Variants in CAMTA1 observed in about 807,000 individuals in gnomAD.
The protein encoded by CAMTA1 is calmodulin binding transcription activator 1, also known as calmodulin-binding transcription activator 1.
CAMTA1 carries 27 observed loss-of-function variants against 170.9 expected under a neutral mutation model. The observed-to-expected ratio is 0.16, with a 90% CI of 0.12 to 0.22. The LOEUF (loss-of-function observed/expected upper bound fraction) is 0.22, where lower values mean the gene tolerates loss of function less well. Ranked by LOEUF, CAMTA1 falls within the 10% of genes least tolerant of loss-of-function variation. The probability of loss-of-function intolerance (pLI) is 1.00; values close to 1 mark genes in which losing one functional copy is unlikely to be tolerated. For missense variants in CAMTA1, 1,619 were observed against 2,217.2 expected (o/e 0.73, Z 5.42); for synonymous variants, 833 against 891.5 (o/e 0.93, Z 1.17).
chr1:7,227,352 G>A (rs1661894231), intron 4 of CAMTA1, among the ~76,000 whole-genome samples: 1 of 152,160 alleles, frequency 6.6e-6, no homozygotes, highest in African/African-American at 2.4e-5. Flanking sequence ...GTGAGATGGA[G>A]TTTTTGCTCT....
chr1:7,095,492 C>T (rs1003775153), intron 4 of CAMTA1, among the ~76,000 whole-genome samples: 18 of 152,194 alleles, frequency 1.2e-4, no homozygotes, highest in African/African-American at 4.1e-4. Flanking sequence ...AGGTACGTGC[C>T]CTCCTGGGAC....
intron 3 of CAMTA1, among the ~76,000 whole-genome samples, chr1:7,020,538 A>C (rs1275332683): frequency 6.6e-6 from 1 of 152,224 alleles, no homozygotes; most frequent in Non-Finnish European, 1.5e-5. Context: ...TGTCCTTGTC[A>C]TTATGGGACG....
chr1:7,479,828 G>A (rs1350680543), intron 6 of CAMTA1, among the ~76,000 whole-genome samples: 3 of 152,208 alleles, frequency 2.0e-5, no homozygotes, highest in Non-Finnish European at 4.4e-5. Flanking sequence ...GGCAGCCACC[G>A]AACCCACATA....
chr1:7,355,064 G>T (rs1265038120), intron 5 of CAMTA1, among the ~76,000 whole-genome samples: 2 of 151,996 alleles, frequency 1.3e-5, no homozygotes, highest in Admixed American at 1.3e-4. Context: ...AAATTATCCA[G>T]GCATGGTGGT....
chr1:7,581,639 C>T (rs949225961), intron 6 of CAMTA1, among the ~76,000 whole-genome samples: 4 of 152,218 alleles, frequency 2.6e-5, no homozygotes, highest in East Asian at 1.9e-4. Flanking sequence ...GTGGGCCTTG[C>T]GGTCCTTGAG....
intron 3 of CAMTA1, among the ~76,000 whole-genome samples, chr1:6,882,732 T>G (rs529080435): frequency 6.6e-6 from 1 of 151,966 alleles, no homozygotes; most frequent in African/African-American, 2.4e-5. Context: ...TTTCAGCATA[T>G]AGGGGGTTCT....
intron 4 of CAMTA1, among the ~76,000 whole-genome samples, chr1:7,107,053 G>A (rs72640094): frequency 0.033 from 4,978 of 152,066 alleles, 110 homozygotes; most frequent in Non-Finnish European, 0.046. Context: ...AGGGGGCCTC[G>A]AAATGCAATT....
At position 7,336,694 on chromosome 1, in the gene CAMTA1, C is replaced by T. The variant is rs2083400983; in HGVS notation, c.438+87068C>T. 1.3e-5 allele frequency among the ~76,000 whole-genome samples: 2 copies of T among 152,192 alleles called. 1 individual carries two copies. Among genetic ancestry groups the T allele is most frequent in the South Asian group, 4.1e-4 (2 of 4,824 alleles). On this transcript the variant is annotated intron_variant, in intron 5 of 22. Transcript: ENST00000303635. ...AGAGCCTAGCCCAGCAAGGCCAGGGCGAGGAACCTGGCAGGAGGCCTTGAC... is the reference window on the plus strand; with the variant it reads ...AGAGCCTAGCCCAGCAAGGCCAGGGTGAGGAACCTGGCAGGAGGCCTTGAC...
intron 4 of CAMTA1, among the ~76,000 whole-genome samples, chr1:7,190,268 C>T (rs1193255067): frequency 6.6e-6 from 1 of 151,922 alleles, no homozygotes; most frequent in Admixed American, 6.6e-5. Context: ...CCTGTTCCCC[C>T]AAAACCTATG....
intron 3 of CAMTA1, among the ~76,000 whole-genome samples, chr1:7,055,227 G>T (rs1412406059): frequency 2.6e-5 from 4 of 152,230 alleles, no homozygotes; most frequent in African/African-American, 9.7e-5. Context: ...AGCTTGTTCA[G>T]TTGTTAGGAG....
Position 7,312,750 on chromosome 1 carries a change from G to T in CAMTA1, c.438+63124G>T, listed in dbSNP as rs140826754. ...CAAAAGGGCCTTCTTTTCTTTGATG[G>T]CTTTATTTATTTATTTTTTCCACTT... On this transcript the variant is annotated intron_variant, in intron 5 of 22. Transcript: ENST00000303635. Among the ~76,000 whole-genome samples the T allele has an allele frequency of 2.6e-5, 4 of 152,180 alleles. No individual in the cohort carries two copies. The East Asian group carries it at 7.7e-4, about 29-fold the overall frequency.
At chr1:6,786,724 C>T (rs1433599373) in intron 1 of CAMTA1, among the ~76,000 whole-genome samples, 1 of 152,100 alleles carries the variant, frequency 6.6e-6, no homozygotes. Context: ...GTTCACCGTG[C>T]TCCTTTCGCC....
intron 3 of CAMTA1, among the ~76,000 whole-genome samples, chr1:6,999,657 A>G (rs931366108): frequency 3.3e-5 from 5 of 152,096 alleles, no homozygotes; most frequent in East Asian, 3.9e-4. Flanking sequence ...TGCTAGGATT[A>G]TACCGTACCC....
chr1:7,746,162 T>C lies in CAMTA1; in HGVS notation c.4617+71T>C, dbSNP rs1316746143. On this transcript the variant is annotated intron_variant, in intron 18 of 22. Coordinates refer to ENST00000303635, the MANE Select transcript of CAMTA1 (RefSeq NM_015215.4). Reference sequence around the variant, plus strand: ...AGAGGACAGATGAAAGTCAGAATCATGCGAACAAAAACATTTACTATTTCT... The same window carrying C: ...AGAGGACAGATGAAAGTCAGAATCACGCGAACAAAAACATTTACTATTTCT... 12 of 1,532,056 alleles carry C rather than the reference T, an allele frequency of 7.8e-6. No homozygotes were observed. The African/African-American group carries it at 9.7e-5, about 12-fold the overall frequency. The allele number at this position is 1,532,056 out of a possible 1,614,324, so 94.9% of individuals were successfully genotyped here.
At position 7,337,364 on chromosome 1, in the gene CAMTA1, A is replaced by G. The variant is rs532271073; in HGVS notation, c.438+87738A>G. Reference sequence around the variant, plus strand: ...TCTGTCAATTTGACCCGGCCGTGGTACCCAGATGTCGGTCAAACACCAGTC... The same window carrying G: ...TCTGTCAATTTGACCCGGCCGTGGTGCCCAGATGTCGGTCAAACACCAGTC... On this transcript the variant is annotated intron_variant, in intron 5 of 22. Coordinates refer to ENST00000303635, the MANE Select transcript of CAMTA1 (RefSeq NM_015215.4). 2.6e-5 allele frequency among the ~76,000 whole-genome samples: 4 copies of G among 152,318 alleles called. No homozygotes were observed. The South Asian group carries it at 8.3e-4, about 32-fold the overall frequency.
chr1:6,905,040 T>A lies in CAMTA1; in HGVS notation c.234+79830T>A, dbSNP rs985166254. The stretch of plus-strand genomic sequence containing the variant: ...CTTGCCACTCTGGGGTCCGCTCTGT[T>A]GCTGTGTGGCACTCCCTGGAGTCAT... On this transcript the variant is annotated intron_variant, in intron 3 of 22. Transcript: ENST00000303635. 5.3e-5 allele frequency among the ~76,000 whole-genome samples: 8 copies of A among 152,294 alleles called. No individual in the cohort carries two copies. In the Middle Eastern group the frequency reaches 0.01, roughly 194 times the overall value.
chr1:7,718,387 C>T (rs1446563760), intron 11 of CAMTA1, among the ~76,000 whole-genome samples: 1 of 152,108 alleles, frequency 6.6e-6, no homozygotes, highest in Non-Finnish European at 1.5e-5. Flanking sequence ...TTATTGTATC[C>T]ATACCTCCTG....
At chr1:7,213,627 C>CTT (rs1218464558) in intron 4 of CAMTA1, among the ~76,000 whole-genome samples, 1 of 150,042 alleles carries the variant, frequency 6.7e-6, no homozygotes, top group East Asian at 2.0e-4. Flanking sequence ...TTTTATTATA[C>CTT]TTTAAGTTTT....
chr1:7,404,551 C>T (rs1190391240), intron 5 of CAMTA1, among the ~76,000 whole-genome samples: 4 of 152,200 alleles, frequency 2.6e-5, no homozygotes, highest in African/African-American at 4.8e-5. Context: ...TGGGGTGACA[C>T]TGTCTATGTT....
Sources: allele counts gnomAD v4.1 joint callset (sites outside exome capture counted in the v4.1 genomes callset), GRCh38; gene constraint gnomAD v4.1.1; transcripts MANE v1.5; gene names NCBI Gene and HGNC (gene_info 2026-07-23, HGNC 2026-07-21).